The following CNTNAP5 variants were observed in gnomAD, a reference collection of about 807,000 sequenced individuals.
CNTNAP5 encodes the protein contactin-associated protein-like 5.
In CNTNAP5, 72 loss-of-function variants were observed where a neutral mutation model predicts 150.2. That is an observed-to-expected ratio of 0.48 (90% CI 0.40 to 0.58). The LOEUF is 0.58. CNTNAP5 is among the 20% of genes least tolerant of loss of function. CNTNAP5 has a pLI of 0.00. For missense variants in CNTNAP5, 1,636 were observed against 1,626.2 expected (o/e 1.01, Z -0.10); for synonymous variants, 672 against 619.8 (o/e 1.08, Z -1.25).
chr2:124,698,111 T>C (rs1415873346), intron 13 of CNTNAP5, among the ~76,000 whole-genome samples: 1 of 152,074 alleles, frequency 6.6e-6, no homozygotes, highest in Non-Finnish European at 1.5e-5. Context: ...AGAAAGATTA[T>C]AAAAAGGGGT....
intron 13 of CNTNAP5, among the ~76,000 whole-genome samples, chr2:124,678,574 A>G (rs973095269): frequency 2.6e-5 from 4 of 151,686 alleles, no homozygotes; most frequent in African/African-American, 7.2e-5. Flanking sequence ...GCTTTATTAA[A>G]TGTTATGTCC....
intron 13 of CNTNAP5, among the ~76,000 whole-genome samples, chr2:124,664,966 C>T (rs1021223566): frequency 3.9e-5 from 6 of 152,234 alleles, no homozygotes; most frequent in Non-Finnish European, 8.8e-5. Context: ...GGATTATAGG[C>T]GTGAGCCACT....
At chr2:124,116,771 C>T (rs1379209066) in intron 1 of CNTNAP5, among the ~76,000 whole-genome samples, 1 of 152,196 alleles carries the variant, frequency 6.6e-6, no homozygotes, top group Non-Finnish European at 1.5e-5. Flanking sequence ...AGTGGACATC[C>T]TTCATGAGGA....
At chr2:124,123,218 C>T (rs1381144556) in intron 1 of CNTNAP5, among the ~76,000 whole-genome samples, 1 of 152,124 alleles carries the variant, frequency 6.6e-6, no homozygotes, top group Non-Finnish European at 1.5e-5. Flanking sequence ...TGCACATTTC[C>T]AAAGGTCTTA....
intron 11 of CNTNAP5, among the ~76,000 whole-genome samples, chr2:124,593,107 A>C (rs1261869315): frequency 8.7e-6 from 1 of 114,598 alleles, no homozygotes; most frequent in Non-Finnish European, 1.8e-5. Flanking sequence ...ATTTTTCAAT[A>C]TTTATTTATT....
chr2:124,359,448 A>G (rs1410789434), intron 3 of CNTNAP5, among the ~76,000 whole-genome samples: 3 of 151,936 alleles, frequency 2.0e-5, no homozygotes, highest in Non-Finnish European at 4.4e-5. Context: ...ATTTAGTGCT[A>G]TAAATTTCCC....
chr2:124,526,091 A>G (rs1309304134), intron 9 of CNTNAP5, among the ~76,000 whole-genome samples: 1 of 152,230 alleles, frequency 6.6e-6, no homozygotes, highest in African/African-American at 2.4e-5. Context: ...GTTTGTAAAT[A>G]ATTCTGATAC....
intron 18 of CNTNAP5, among the ~76,000 whole-genome samples, chr2:124,796,062 A>G (rs1351071010): frequency 6.6e-6 from 1 of 152,186 alleles, no homozygotes; most frequent in Non-Finnish European, 1.5e-5. Context: ...ATAAAGTACA[A>G]GAAACTGAAA....
chr2:124,617,688 A>T (rs1677520305), intron 12 of CNTNAP5, among the ~76,000 whole-genome samples: 1 of 152,148 alleles, frequency 6.6e-6, no homozygotes, highest in Non-Finnish European at 1.5e-5. Context: ...TTAGGACTTC[A>T]ATATATTATC....
chr2:124,505,932 T>C (rs1335775509), intron 8 of CNTNAP5, among the ~76,000 whole-genome samples: 1 of 152,220 alleles, frequency 6.6e-6, no homozygotes, highest in Non-Finnish European at 1.5e-5. Context: ...TGGATTATAC[T>C]ACAATTTAAT....
chr2:124,156,623 G>A (rs1684555345), intron 1 of CNTNAP5, among the ~76,000 whole-genome samples: 2 of 152,114 alleles, frequency 1.3e-5, no homozygotes, highest in South Asian at 4.1e-4. Context: ...AGCCTCCCAA[G>A]TAGCTGGGAC....
Position 124,395,129 on chromosome 2 carries a change from A to G in CNTNAP5, c.382-22314A>G, listed in dbSNP as rs951082742. Among the ~76,000 whole-genome samples, 8 of 152,342 alleles carry G rather than the reference A, an allele frequency of 5.3e-5. No individual in the cohort carries two copies. In the South Asian group the frequency reaches 6.2e-4, roughly 12 times the overall value. On this transcript the variant is annotated intron_variant, in intron 3 of 23. Transcript: ENST00000682447. ...CGGGGAAGGGAATCTATATATAAAT[A>G]TATGAGATTTCTGCTCTAAAAATAC...
chr2:124,647,614 AAC>A (rs1290534929), intron 12 of CNTNAP5, 142 bp from the exon 13 acceptor site: 1 of 663,252 alleles, frequency 1.5e-6, no homozygotes, highest in Non-Finnish European at 2.4e-6. Context: ...TCCATGGGGA[AAC>A]ACAATTTCTC....
chr2:124,677,171 G>T (rs1040517285), intron 13 of CNTNAP5, among the ~76,000 whole-genome samples: 1 of 152,122 alleles, frequency 6.6e-6, no homozygotes, highest in African/African-American at 2.4e-5. Context: ...GTGGGTTCAC[G>T]GTCTCACTGA....
chr2:124,813,487 C>T (rs1254418206), intron 19 of CNTNAP5, among the ~76,000 whole-genome samples: 1 of 151,552 alleles, frequency 6.6e-6, no homozygotes, highest in African/African-American at 2.4e-5. Context: ...TCCTGATGAA[C>T]CCAAATCTAT....
chr2:124,740,097 T>C (rs1680466709), intron 13 of CNTNAP5, among the ~76,000 whole-genome samples: 1 of 149,482 alleles, frequency 6.7e-6, no homozygotes. Context: ...ATATTTAATT[T>C]ATATATAAAT....
At chr2:124,498,557 C>T (rs1452087217) in intron 7 of CNTNAP5, among the ~76,000 whole-genome samples, 2 of 152,144 alleles carry the variant, frequency 1.3e-5, no homozygotes, top group East Asian at 1.9e-4. Context: ...CCACCTCAGC[C>T]GTTCTAAGTG....
intron 1 of CNTNAP5, among the ~76,000 whole-genome samples, chr2:124,128,527 GA>G (rs1369593943): frequency 2.6e-5 from 4 of 152,146 alleles, no homozygotes; most frequent in African/African-American, 9.7e-5. Context: ...TCTAGAACTA[GA>G]AATACCATTT....
chr2:124,146,667 A>G (rs575991143), intron 1 of CNTNAP5, among the ~76,000 whole-genome samples: 189 of 152,338 alleles, frequency 1.2e-3, no homozygotes, highest in African/African-American at 4.4e-3. Flanking sequence ...CTTAACCTTA[A>G]GTAAATAAAG....
Sources: allele counts gnomAD v4.1 joint callset (sites outside exome capture counted in the v4.1 genomes callset), GRCh38; gene constraint gnomAD v4.1.1; transcripts MANE v1.5; gene names NCBI Gene and HGNC (gene_info 2026-07-23, HGNC 2026-07-21).